Variants in HUNK observed in about 807,000 individuals in gnomAD.
HUNK encodes hormonally up-regulated Neu-associated kinase.
A neutral mutation model predicts 61.0 loss-of-function variants in HUNK; 21 were observed. The ratio of observed to expected loss-of-function variants is 0.34; its 90% CI spans 0.24 to 0.50. The LOEUF is 0.50. Among genes scored for constraint, HUNK ranks in the 20% least tolerant of loss-of-function variants. The probability of loss-of-function intolerance (pLI) is 0.98; values close to 1 mark genes in which losing one functional copy is unlikely to be tolerated. For missense variants in HUNK, 772 were observed against 945.7 expected (o/e 0.82, Z 2.41); for synonymous variants, 371 against 386.1 (o/e 0.96, Z 0.46).
chr21:31,876,513 A>C (rs915779224), intron 1 of HUNK, among the ~76,000 whole-genome samples: 6 of 152,234 alleles, frequency 3.9e-5, no homozygotes, highest in Non-Finnish European at 8.8e-5. Context: ...CTAAATTAAA[A>C]TGAGTCCTCA....
chr21:31,920,967 C>T (rs2052618327), intron 1 of HUNK, among the ~76,000 whole-genome samples: 9 of 152,064 alleles, frequency 5.9e-5, no homozygotes, highest in Admixed American at 5.9e-4. Flanking sequence ...GCCTGGCCAA[C>T]ATGGCCAAAC....
rs2052642690 is a variant in HUNK at position 31,924,038 on chromosome 21, C to T, written c.262-430C>T. On this transcript the variant is annotated intron_variant, in intron 1 of 10. Transcript: ENST00000270112. This position sits in a 1 kb window ranked among gnomAD's most constrained non-coding sequence, Gnocchi z 5.1. ...GAAGATTTAGCTGTTTCTGAAGTGGCTGGGGGTCCTCAGACCTGGAGGGAG... is the reference window on the plus strand; with the variant it reads ...GAAGATTTAGCTGTTTCTGAAGTGGTTGGGGGTCCTCAGACCTGGAGGGAG... Among the ~76,000 whole-genome samples, 1 of 152,034 alleles carries T rather than the reference C, an allele frequency of 6.6e-6. No homozygotes were observed. The highest frequency in any genetic ancestry group is 2.4e-5 in the African/African-American group (1 of 41,384).
chr21:31,983,603 C>A lies in HUNK; in HGVS notation c.1251C>A (p.Ser417=), dbSNP rs188458652. The A allele has an allele frequency of 1.9e-6, 3 of 1,611,922 alleles. No individual in the cohort carries two copies. Among genetic ancestry groups the A allele is most frequent in the South Asian group, 2.2e-5 (2 of 91,022 alleles). The change falls in exon 8 of 11, where the codon TCC becomes TCA. Residue 417 remains serine, a synonymous_variant. Transcript: ENST00000270112. The stretch of plus-strand genomic sequence containing the variant: ...AAAAGTACAGGGCCCCCAAGGAGTC[C>A]TATGAGGTGAGTGACCCCTGAAGCA... ...QIEKYRAPKE[S]YEASLDTWTR... is the part of the protein sequence containing the mutation.
At chr21:31,912,223 C>T (rs1032923334) in intron 1 of HUNK, among the ~76,000 whole-genome samples, 13 of 152,202 alleles carry the variant, frequency 8.5e-5, no homozygotes, top group East Asian at 7.8e-4. Context: ...AGGTTCCTGA[C>T]GCGGTGCTGG....
In HUNK at chr21:31,946,103, C is replaced by T. The variant is rs75293794; in HGVS notation, c.678C>T (p.Ser226=). 1 of 1,612,952 alleles carries T rather than the reference C, an allele frequency of 6.2e-7. No individual in the cohort carries two copies. The highest frequency in any genetic ancestry group is 8.5e-7 in the Non-Finnish European group (1 of 1,179,512). Residue 226 remains serine (S), a synonymous_variant, in exon 4 of 11, where the codon AGC becomes AGT. Coordinates refer to ENST00000270112, the MANE Select transcript of HUNK (RefSeq NM_014586.2). ...ATCCGTTCAGCACACAGTGTGGCAG[C>T]CCTGCCTACGCTGCACCTGAACTGC... ...YSDPFSTQCG[S]PAYAAPELLA...
At position 31,963,287 on chromosome 21, in the gene HUNK, A is replaced by G. The variant is rs1471158241; in HGVS notation, c.874+4317A>G. On this transcript the variant is annotated intron_variant, in intron 5 of 10. Coordinates refer to ENST00000270112, the MANE Select transcript of HUNK (RefSeq NM_014586.2). ...AGAGATTAAGTCTGCTTGACTGAAAACCTAGATTTTCCTACCATGCTGTGT... is the reference window on the plus strand; with the variant it reads ...AGAGATTAAGTCTGCTTGACTGAAAGCCTAGATTTTCCTACCATGCTGTGT... Among the ~76,000 whole-genome samples the G allele has an allele frequency of 8.5e-5, 13 of 152,052 alleles. No individual in the cohort carries two copies. In the East Asian group the frequency reaches 2.3e-3, roughly 27 times the overall value.
At chr21:31,886,643 C>T (rs1202654818) in intron 1 of HUNK, among the ~76,000 whole-genome samples, 2 of 151,622 alleles carry the variant, frequency 1.3e-5, no homozygotes, top group Non-Finnish European at 2.9e-5. Context: ...GTTTCTGGTA[C>T]AGAGAATATG....
Position 31,927,198 on chromosome 21 carries a change from G to C in HUNK, c.554+2438G>C, listed in dbSNP as rs2052666915. On this transcript the variant is annotated intron_variant, in intron 2 of 10. Coordinates refer to ENST00000270112, the MANE Select transcript of HUNK (RefSeq NM_014586.2). Reference sequence around the variant, plus strand: ...TGGGATTACAGGCACGTGCCATCATGCCTAACTATTTTTTGTATTTTTAGT... The same window carrying C: ...TGGGATTACAGGCACGTGCCATCATCCCTAACTATTTTTTGTATTTTTAGT... Among the ~76,000 whole-genome samples, 8 of 152,102 alleles carry C rather than the reference G, an allele frequency of 5.3e-5. No individual in the cohort carries two copies. In the South Asian group the frequency reaches 1.7e-3, roughly 32 times the overall value.
chr21:31,947,453 GTCCCCCGTAC>G (rs1236214792), intron 4 of HUNK, among the ~76,000 whole-genome samples: 1 of 152,252 alleles, frequency 6.6e-6, no homozygotes, highest in Non-Finnish European at 1.5e-5. Context: ...CTGCCAGGGA[GTCCCCCGTAC>G]TCTGTCCTCA....
chr21:31,965,322 A>G (rs1317092796), intron 5 of HUNK, among the ~76,000 whole-genome samples: 2 of 148,094 alleles, frequency 1.4e-5, no homozygotes, highest in African/African-American at 2.5e-5. Context: ...AAGGAGAGAG[A>G]GGAGCAAAAA....
rs532890384 is a variant in HUNK at position 32,000,243 on chromosome 21, G to A, written c.*1059G>A. 5.0e-6 allele frequency: 2 copies of A among 399,150 alleles called. No homozygotes were observed. The highest frequency in any genetic ancestry group is 6.3e-4 in the Middle Eastern group (1 of 1,588). 24.7% of individuals were successfully genotyped at this position (399,150 alleles called of 1,614,324 possible). On this transcript the variant is annotated 3_prime_UTR_variant, in exon 11 of 11. Coordinates refer to ENST00000270112, the MANE Select transcript of HUNK (RefSeq NM_014586.2). ...ATTTCAAGCTGCCCACAGAACTGGT[G>A]CGGCTCAGAGCTCGGCGAGTTTGCT...
intron 7 of HUNK, among the ~76,000 whole-genome samples, chr21:31,982,882 C>T (rs547221236): frequency 1.3e-5 from 2 of 152,272 alleles, no homozygotes; most frequent in East Asian, 1.9e-4. Flanking sequence ...TGGCTCACTG[C>T]AGCCTCCACC....
chr21:31,917,245 T>G (rs1347259443), intron 1 of HUNK, among the ~76,000 whole-genome samples: 1 of 151,996 alleles, frequency 6.6e-6, no homozygotes, highest in Non-Finnish European at 1.5e-5. Flanking sequence ...CAGGCTTGAG[T>G]GCAGTGGTGA....
chr21:31,986,224 A>G (rs887232919), intron 8 of HUNK, among the ~76,000 whole-genome samples: 6 of 145,398 alleles, frequency 4.1e-5, no homozygotes, highest in Non-Finnish European at 7.5e-5. Flanking sequence ...GCCCTCCACC[A>G]CAGTAGCAGC....
chr21:31,960,819 T>C (rs1314478376), intron 5 of HUNK, among the ~76,000 whole-genome samples: 1 of 152,168 alleles, frequency 6.6e-6, no homozygotes, highest in Non-Finnish European at 1.5e-5. Context: ...AAGGTGAGAT[T>C]TGGGTTGGGA....
intron 2 of HUNK, among the ~76,000 whole-genome samples, chr21:31,935,695 A>G (rs568436323): frequency 1.3e-5 from 2 of 152,318 alleles, no homozygotes; most frequent in African/African-American, 4.8e-5. Flanking sequence ...TCTTTCAATT[A>G]AAAGCATGCA....
Position 31,891,876 on chromosome 21 carries a change from G to T in HUNK, c.261+17941G>T, listed in dbSNP as rs148307256. ...GGTTTTGTCTTATAAATGATCAGTG[G>T]GTCCAGTGTTTCATAGTTGTCTGCA... On this transcript the variant is annotated intron_variant, in intron 1 of 10. Coordinates refer to ENST00000270112, the MANE Select transcript of HUNK (RefSeq NM_014586.2). 1.1e-4 allele frequency among the ~76,000 whole-genome samples: 16 copies of T among 152,160 alleles called. 1 individual carries two copies. In the East Asian group the frequency reaches 2.9e-3, roughly 28 times the overall value.
At chr21:31,956,236 A>G (rs2052888635) in intron 4 of HUNK, among the ~76,000 whole-genome samples, 1 of 152,196 alleles carries the variant, frequency 6.6e-6, no homozygotes, top group Non-Finnish European at 1.5e-5. Flanking sequence ...AGATGTAGAC[A>G]TTGGCTTAGC....
intron 6 of HUNK, among the ~76,000 whole-genome samples, chr21:31,969,769 G>A (rs1025068025): frequency 1.3e-5 from 2 of 151,842 alleles, no homozygotes; most frequent in East Asian, 1.9e-4. Context: ...GTTTTGCCAT[G>A]TTGCCCAGGC....
Sources: allele counts gnomAD v4.1 joint callset (sites outside exome capture counted in the v4.1 genomes callset), GRCh38; gene constraint gnomAD v4.1.1; non-coding constraint Gnocchi (gnomAD v3.1); transcripts MANE v1.5; gene names NCBI Gene and HGNC (gene_info 2026-07-23, HGNC 2026-07-21).